The following KIRREL3 variants were observed in gnomAD, a reference collection of about 807,000 sequenced individuals.
KIRREL3 encodes the protein kin of IRRE-like protein 3.
Under a neutral mutation model 89.7 loss-of-function variants are expected in KIRREL3, and 36 were observed. That is an observed-to-expected ratio of 0.40 (90% CI 0.31 to 0.53). The LOEUF (loss-of-function observed/expected upper bound fraction) is 0.53, where lower values mean the gene tolerates loss of function less well. Among genes scored for constraint, KIRREL3 ranks in the 20% least tolerant of loss-of-function variants. The pLI, the probability that KIRREL3 is intolerant of heterozygous loss-of-function variation, is 0.49. For synonymous variants in KIRREL3, 445 were observed against 441.4 expected (o/e 1.01, Z -0.10); for missense variants, 864 against 1,056.6 (o/e 0.82, Z 2.53).
intron 1 of KIRREL3, among the ~76,000 whole-genome samples, chr11:126,923,127 TTC>T (rs748662149): frequency 0.04 from 1,450 of 36,414 alleles, 243 homozygotes; most frequent in African/African-American, 0.13. Context: ...CTTCTCCTTC[TTC>T]TCTTCTTCTT....
chr11:126,586,379 C>G (rs977503858), intron 1 of KIRREL3, among the ~76,000 whole-genome samples: 12 of 152,050 alleles, frequency 7.9e-5, no homozygotes, highest in Non-Finnish European at 1.5e-4. Context: ...CCTTCAAGTA[C>G]GAAGCGGTCT....
chr11:126,567,153 T>G (rs903543603), intron 1 of KIRREL3, among the ~76,000 whole-genome samples: 2 of 152,190 alleles, frequency 1.3e-5, no homozygotes, highest in Admixed American at 1.3e-4. Context: ...TACATTGAAG[T>G]CCTAATCCCA....
intron 1 of KIRREL3, among the ~76,000 whole-genome samples, chr11:126,822,333 A>G (rs1196330231): frequency 6.6e-6 from 1 of 152,218 alleles, no homozygotes; most frequent in African/African-American, 2.4e-5. Context: ...AAACATAACT[A>G]TGCTTATTAT....
At chr11:126,458,628 A>T (rs936041209) in intron 6 of KIRREL3, among the ~76,000 whole-genome samples, 1 of 152,218 alleles carries the variant, frequency 6.6e-6, no homozygotes, top group African/African-American at 2.4e-5. Context: ...TCTGAGTAGC[A>T]GGTGGCTGAC....
At chr11:126,554,693 C>G (rs1467585853) in intron 2 of KIRREL3, among the ~76,000 whole-genome samples, 35 of 152,152 alleles carry the variant, frequency 2.3e-4, no homozygotes, top group Non-Finnish European at 4.4e-5. Context: ...GTAGGGGAGA[C>G]AGGTGTTATT....
At chr11:126,835,827 C>T (rs984635584) in intron 1 of KIRREL3, among the ~76,000 whole-genome samples, 9 of 152,100 alleles carry the variant, frequency 5.9e-5, no homozygotes, top group East Asian at 1.9e-4. Context: ...TCTAGTAATG[C>T]GATTTAGGGT....
In KIRREL3 at chr11:126,578,562, G is replaced by A. The variant is rs1297529937; in HGVS notation, c.56-15650C>T. 6.6e-6 allele frequency among the ~76,000 whole-genome samples: 1 copy of A among 152,206 alleles called. No individual in the cohort carries two copies. The highest frequency in any genetic ancestry group is 2.4e-5 in the African/African-American group (1 of 41,444). Reference sequence around the variant, plus strand: ...TGGGTGGACACATTGTGAACAGTAAGTATCATGAATGTGTGACAGCATGTG... The same window carrying A: ...TGGGTGGACACATTGTGAACAGTAAATATCATGAATGTGTGACAGCATGTG... On this transcript the variant is annotated intron_variant, in intron 1 of 16. Coordinates refer to ENST00000525144, the MANE Select transcript of KIRREL3 (RefSeq NM_032531.4). This position sits in a 1 kb window ranked among gnomAD's most constrained non-coding sequence, Gnocchi z 4.9.
intron 1 of KIRREL3, among the ~76,000 whole-genome samples, chr11:126,633,431 G>A (rs1258086606): frequency 2.0e-5 from 3 of 152,138 alleles, no homozygotes; most frequent in African/African-American, 7.2e-5. Flanking sequence ...TTGTGGGGGT[G>A]GATCTGTCAT....
In KIRREL3 at chr11:126,983,315, G is replaced by T. The variant is rs981753423; in HGVS notation, c.55+17140C>A. 3.9e-5 allele frequency among the ~76,000 whole-genome samples: 6 copies of T among 152,180 alleles called. No homozygotes were observed. Among genetic ancestry groups the T allele is most frequent in the Admixed American group, 1.3e-4 (2 of 15,284 alleles). On this transcript the variant is annotated intron_variant, in intron 1 of 16. Coordinates refer to ENST00000525144, the MANE Select transcript of KIRREL3 (RefSeq NM_032531.4). The surrounding 1 kb of genome is among the most constrained non-coding windows in gnomAD (Gnocchi z 4.9). ...CACAGATTTCTTACACAGAGAGGTAGGATAGGAAAGCCTATATTTTCTTCT... is the reference window on the plus strand; with the variant it reads ...CACAGATTTCTTACACAGAGAGGTATGATAGGAAAGCCTATATTTTCTTCT...
rs113324254 is a variant in KIRREL3 at position 126,719,234 on chromosome 11, A to G, written c.56-156322T>C. ...CACTGAAACGGCTTCTTCCTAAATT[A>G]CCAATGACTCCATGTTGACAAATCC... On this transcript the variant is annotated intron_variant, in intron 1 of 16. Coordinates refer to ENST00000525144, the MANE Select transcript of KIRREL3 (RefSeq NM_032531.4). This position sits in a 1 kb window ranked among gnomAD's most constrained non-coding sequence, Gnocchi z 4.7. Among the ~76,000 whole-genome samples the G allele has an allele frequency of 2.7e-4, 41 of 152,294 alleles. No homozygotes were observed. Among genetic ancestry groups the G allele is most frequent in the African/African-American group, 8.9e-4 (37 of 41,564 alleles).
chr11:126,531,725 T>C lies in KIRREL3; in HGVS notation c.134-5038A>G, dbSNP rs1045597419. 6.6e-6 allele frequency among the ~76,000 whole-genome samples: 1 copy of C among 152,232 alleles called. No homozygotes were observed. Among genetic ancestry groups the C allele is most frequent in the Non-Finnish European group, 1.5e-5 (1 of 68,042 alleles). On this transcript the variant is annotated intron_variant, in intron 2 of 16. Transcript: ENST00000525144. This position sits in a 1 kb window ranked among gnomAD's most constrained non-coding sequence, Gnocchi z 4.7. ...TTTCATCAATTTCTCCAAACCTTTATTGAGCACCTACTATATGTCAGATGC... is the reference window on the plus strand; with the variant it reads ...TTTCATCAATTTCTCCAAACCTTTACTGAGCACCTACTATATGTCAGATGC...
At chr11:126,878,031 C>T (rs1945355916) in intron 1 of KIRREL3, among the ~76,000 whole-genome samples, 2 of 152,098 alleles carry the variant, frequency 1.3e-5, no homozygotes, top group Non-Finnish European at 1.5e-5. Context: ...ACCTGGACAC[C>T]CTAGGCTTCT....
intron 1 of KIRREL3, among the ~76,000 whole-genome samples, chr11:126,836,544 G>C (rs1236048718): frequency 6.6e-6 from 1 of 152,190 alleles, no homozygotes; most frequent in African/African-American, 2.4e-5. Context: ...GCCTACCTGG[G>C]ACTCCTAGAG....
At position 126,696,172 on chromosome 11, in the gene KIRREL3, G is replaced by C. The variant is rs1947085160; in HGVS notation, c.56-133260C>G. The stretch of plus-strand genomic sequence containing the variant: ...CTTGGGAGGCTGAGGTATGAGAATT[G>C]CTTGAACCTGAGTGGCAGAGGTTGC... On this transcript the variant is annotated intron_variant, in intron 1 of 16. Coordinates refer to ENST00000525144, the MANE Select transcript of KIRREL3 (RefSeq NM_032531.4). The surrounding 1 kb of genome is among the most constrained non-coding windows in gnomAD (Gnocchi z 4.4). Among the ~76,000 whole-genome samples, 1 of 151,322 alleles carries C rather than the reference G, an allele frequency of 6.6e-6. No homozygotes were observed. The highest frequency in any genetic ancestry group is 1.9e-4 in the East Asian group (1 of 5,156).
intron 4 of KIRREL3, among the ~76,000 whole-genome samples, chr11:126,500,791 ATTC>A: frequency 6.6e-6 from 1 of 152,092 alleles, no homozygotes; most frequent in Admixed American, 6.5e-5. Context: ...TTTTCACTGC[ATTC>A]TTATTTTTTT....
intron 1 of KIRREL3, among the ~76,000 whole-genome samples, chr11:126,865,340 C>G (rs1297830835): frequency 6.6e-6 from 1 of 152,246 alleles, no homozygotes; most frequent in Admixed American, 6.5e-5. Flanking sequence ...GTCTGATGTG[C>G]AAGAGGCGGC....
rs369925740 is a variant in KIRREL3, at chr11:126,782,008, T to C, written c.55+218447A>G. Among the ~76,000 whole-genome samples the C allele has an allele frequency of 1.4e-4, 22 of 152,146 alleles. No individual in the cohort carries two copies. The highest frequency in any genetic ancestry group is 3.9e-4 in the Admixed American group (6 of 15,274). On this transcript the variant is annotated intron_variant, in intron 1 of 16. Coordinates refer to ENST00000525144, the MANE Select transcript of KIRREL3 (RefSeq NM_032531.4). This position sits in a 1 kb window ranked among gnomAD's most constrained non-coding sequence, Gnocchi z 4.1. The stretch of plus-strand genomic sequence containing the variant: ...AGTTAAGATTTTAAATAAAAAAGAT[T>C]TGGGGAAAGTTAACACATTGACTAA...
At position 126,495,169 on chromosome 11, in the gene KIRREL3, G is replaced by T. The variant is rs1957624224; in HGVS notation, c.434-21703C>A. 6.6e-6 allele frequency among the ~76,000 whole-genome samples: 1 copy of T among 152,170 alleles called. No individual in the cohort carries two copies. The highest frequency in any genetic ancestry group is 1.5e-5 in the Non-Finnish European group (1 of 68,026). Reference sequence around the variant, plus strand: ...GTGTGTGGGGAAGGACTAGCAGGAAGGGAGGAGACAGATGGAGGAGGACAC... The same window carrying T: ...GTGTGTGGGGAAGGACTAGCAGGAATGGAGGAGACAGATGGAGGAGGACAC... On this transcript the variant is annotated intron_variant, in intron 4 of 16. Coordinates refer to ENST00000525144, the MANE Select transcript of KIRREL3 (RefSeq NM_032531.4). The surrounding 1 kb of genome is among the most constrained non-coding windows in gnomAD (Gnocchi z 6.5).
chr11:126,527,694 G>T lies in KIRREL3; in HGVS notation c.134-1007C>A, dbSNP rs1958804227. Among the ~76,000 whole-genome samples, 1 of 152,154 alleles carries T rather than the reference G, an allele frequency of 6.6e-6. No individual in the cohort carries two copies. Among genetic ancestry groups the T allele is most frequent in the African/African-American group, 2.4e-5 (1 of 41,430 alleles). On this transcript the variant is annotated intron_variant, in intron 2 of 16. Coordinates refer to ENST00000525144, the MANE Select transcript of KIRREL3 (RefSeq NM_032531.4). The surrounding 1 kb of genome is among the most constrained non-coding windows in gnomAD (Gnocchi z 4.2). ...GGGCATTGTCAACCCCATTTGACAG[G>T]ACTTTGGGAAACGGAGGCTCAGGGT... is the stretch of plus-strand genomic sequence containing the variant.
Sources: allele counts gnomAD v4.1 joint callset (sites outside exome capture counted in the v4.1 genomes callset), GRCh38; gene constraint gnomAD v4.1.1; non-coding constraint Gnocchi (gnomAD v3.1); transcripts MANE v1.5; gene names NCBI Gene and HGNC (gene_info 2026-07-23, HGNC 2026-07-21).